Variants in TNS3 observed in about 807,000 individuals in gnomAD.
TNS3 encodes the protein tensin 3.
Under a neutral mutation model 140.9 loss-of-function variants are expected in TNS3, and 45 were observed. The observed-to-expected ratio is 0.32, with a 90% CI of 0.25 to 0.41. The LOEUF is 0.41. TNS3 is among the 10% of genes least tolerant of loss of function. The pLI is 1.00. For missense variants in TNS3, 1,716 were observed against 1,906.7 expected (o/e 0.90, Z 1.86); for synonymous variants, 815 against 788.4 (o/e 1.03, Z -0.56).
At chr7:47,564,760 T>C (rs1327131350) in intron 1 of TNS3, among the ~76,000 whole-genome samples, 3 of 151,852 alleles carry the variant, frequency 2.0e-5, no homozygotes, top group Non-Finnish European at 1.5e-5. Context: ...CCCTGTTGGT[T>C]CTGCTTCCCT....
chr7:47,566,880 C>T (rs1039697866), intron 1 of TNS3, among the ~76,000 whole-genome samples: 1 of 151,506 alleles, frequency 6.6e-6, no homozygotes, highest in Non-Finnish European at 1.5e-5. Flanking sequence ...TCTCTACTAA[C>T]AATACAGAAA....
At chr7:47,571,682 G>A (rs1478636533) in intron 1 of TNS3, among the ~76,000 whole-genome samples, 1 of 152,256 alleles carries the variant, frequency 6.6e-6, no homozygotes, top group Non-Finnish European at 1.5e-5. Context: ...GAAAACGGAA[G>A]CCGGGTCTGT....
At chr7:47,375,069 A>G (rs1456780803) in intron 16 of TNS3, among the ~76,000 whole-genome samples, 1 of 152,246 alleles carries the variant, frequency 6.6e-6, no homozygotes, top group Non-Finnish European at 1.5e-5. Context: ...ATTAAATAAC[A>G]TATTTTAACA....
intron 20 of TNS3, among the ~76,000 whole-genome samples, chr7:47,314,755 G>A (rs77913776): frequency 0.058 from 8,881 of 152,252 alleles, 369 homozygotes; most frequent in South Asian, 0.13. Context: ...GAGATGGCCC[G>A]GGGTGGGGAT....
intron 26 of TNS3, 148 bp from the exon 27 acceptor site, chr7:47,292,180 T>C (rs1785744808): frequency 1.4e-6 from 1 of 728,552 alleles, no homozygotes. Context: ...GGGACAATAA[T>C]TTGGCCCATA....
intron 2 of TNS3, among the ~76,000 whole-genome samples, chr7:47,512,406 G>GTGAT (rs1213387157): frequency 6.6e-6 from 1 of 152,224 alleles, no homozygotes; most frequent in Non-Finnish European, 1.5e-5. Flanking sequence ...GTAGAACAGG[G>GTGAT]TGATAGCCAA....
intron 3 of TNS3, 21 bp downstream of exon 3, chr7:47,506,886 G>A (rs1798436520): frequency 1.0e-5 from 13 of 1,288,646 alleles, no homozygotes; most frequent in Non-Finnish European, 1.3e-5. Context: ...AAGTCCCATG[G>A]GAAAGCAACG....
chr7:47,541,013 C>T (rs1175773848), intron 1 of TNS3, among the ~76,000 whole-genome samples: 3 of 152,110 alleles, frequency 2.0e-5, no homozygotes, highest in African/African-American at 4.8e-5. Context: ...GGAGGACACT[C>T]GGGAGAAAGC....
chr7:47,470,047 A>G (rs1395507739), intron 4 of TNS3, among the ~76,000 whole-genome samples: 2 of 152,014 alleles, frequency 1.3e-5, no homozygotes, highest in Non-Finnish European at 2.9e-5. Context: ...AACAAGAACG[A>G]AATCATGTCC....
intron 20 of TNS3, among the ~76,000 whole-genome samples, chr7:47,329,601 C>T (rs1357517342): frequency 6.6e-6 from 1 of 152,190 alleles, no homozygotes. Flanking sequence ...GCATTTCCTC[C>T]CTGGTTGTTT....
intron 13 of TNS3, among the ~76,000 whole-genome samples, chr7:47,403,913 C>A (rs1218030226): frequency 6.6e-6 from 1 of 152,288 alleles, no homozygotes; most frequent in East Asian, 1.9e-4. Context: ...TACGAGGGCC[C>A]CCAAATGCCT....
At chr7:47,566,934 G>A (rs1800441858) in intron 1 of TNS3, among the ~76,000 whole-genome samples, 1 of 150,386 alleles carries the variant, frequency 6.6e-6, no homozygotes, top group South Asian at 2.1e-4. Flanking sequence ...CCCAGCTACT[G>A]AGGCAGGAGA....
intron 3 of TNS3, among the ~76,000 whole-genome samples, chr7:47,482,115 T>G (rs1017727904): frequency 4.6e-5 from 7 of 152,206 alleles, no homozygotes; most frequent in Non-Finnish European, 1.0e-4. Context: ...CTCCTTAGCT[T>G]TCTCCTGGCA....
intron 17 of TNS3, among the ~76,000 whole-genome samples, chr7:47,362,594 G>C (rs1347900250): frequency 6.6e-6 from 1 of 152,164 alleles, no homozygotes; most frequent in African/African-American, 2.4e-5. Context: ...ACATAGCCAT[G>C]GGGTGCAGAG....
intron 16 of TNS3, among the ~76,000 whole-genome samples, chr7:47,386,161 C>T (rs142858619): frequency 2.6e-4 from 40 of 152,324 alleles, no homozygotes; most frequent in African/African-American, 7.0e-4. Flanking sequence ...TCACTATGCA[C>T]TTATAAAGAA....
chr7:47,486,854 T>C (rs1255074011), intron 3 of TNS3, among the ~76,000 whole-genome samples: 3 of 152,254 alleles, frequency 2.0e-5, no homozygotes, highest in African/African-American at 7.2e-5. Context: ...TGGGTATAGC[T>C]GATGCACTAC....
intron 3 of TNS3, among the ~76,000 whole-genome samples, chr7:47,498,411 G>C (rs1030300722): frequency 3.3e-5 from 5 of 152,208 alleles, no homozygotes; most frequent in African/African-American, 9.6e-5. Context: ...CCAGGACACA[G>C]ATACAGATGC....
At chr7:47,542,810 A>T (rs1799825029) in intron 1 of TNS3, among the ~76,000 whole-genome samples, 1 of 151,544 alleles carries the variant, frequency 6.6e-6, no homozygotes. Flanking sequence ...GGCGCCTGTA[A>T]TCCCAGCTAC....
At chr7:47,506,776 AC>A in intron 3 of TNS3, 130 bp downstream of exon 3, 1 of 546,672 alleles carries the variant, frequency 1.8e-6, no homozygotes, top group Non-Finnish European at 2.9e-6. Context: ...TATACACCGT[AC>A]CCCAGCCCTG....
Sources: gnomAD v4.1 joint callset for allele counts (sites outside exome capture counted in the v4.1 genomes callset) on GRCh38, gnomAD v4.1.1 for gene constraint, MANE v1.5 for transcripts, NCBI Gene and HGNC (gene_info 2026-07-23, HGNC 2026-07-21) for gene names.